Variants in PRPF8 observed in about 807,000 individuals in gnomAD.
PRPF8 encodes pre-mRNA-processing-splicing factor 8.
PRPF8 carries 64 observed loss-of-function variants against 285.9 expected under a neutral mutation model. That is an observed-to-expected ratio of 0.22 (90% CI 0.18 to 0.28). The LOEUF (loss-of-function observed/expected upper bound fraction) is 0.28, where lower values mean the gene tolerates loss of function less well. PRPF8 is among the 10% of genes least tolerant of loss of function. The probability of loss-of-function intolerance (pLI) is 1.00; values close to 1 mark genes in which losing one functional copy is unlikely to be tolerated. For synonymous variants in PRPF8, 1,325 were observed against 1,118.2 expected (o/e 1.18, Z -3.69); for missense variants, 1,426 against 3,026.7 (o/e 0.47, Z 12.41).
In PRPF8 at chr17:1,653,020, A is replaced by C. The variant is rs1294903689; in HGVS notation, c.6369+522T>G. ...GCAATCTTGGCTCACTGCAAGCTCC[A>C]CCTCACCTCCCGGGTTCAAGCAATT... On this transcript the variant is annotated intron_variant, in intron 39 of 42. Transcript: ENST00000304992. The surrounding 1 kb of genome is among the most constrained non-coding windows in gnomAD (Gnocchi z 4.9). 1 of 222,576 alleles carries C rather than the reference A, an allele frequency of 4.5e-6. No individual in the cohort carries two copies. The highest frequency in any genetic ancestry group is 9.1e-6 in the Non-Finnish European group (1 of 109,696). The allele number at this position is 222,576 out of a possible 1,614,324, so 13.8% of individuals were successfully genotyped here. A position where few individuals can be genotyped will look rare whatever the true frequency, so the allele number is the denominator to read the frequency against.
chr17:1,681,788 T>C, intron 5 of PRPF8, 32 bp downstream of exon 5: 1 of 1,612,932 alleles, frequency 6.2e-7, no homozygotes, highest in Middle Eastern at 1.6e-4. Flanking sequence ...CCAGAACTCC[T>C]CCCAGGTGTA....
chr17:1,679,583 C>T lies in PRPF8; in HGVS notation c.1289+26G>A, dbSNP rs1159527420. ...TTTCTCCTACACATCCACTATCATT[C>T]CCCCTGCCACAGGGAAAAACCTTAC... On this transcript the variant is annotated intron_variant, in intron 9 of 42. Coordinates refer to ENST00000304992, the MANE Select transcript of PRPF8 (RefSeq NM_006445.4). The surrounding 1 kb of genome is among the most constrained non-coding windows in gnomAD (Gnocchi z 4.7). The T allele has an allele frequency of 6.2e-7, 1 of 1,612,158 alleles. No individual in the cohort carries two copies. Among genetic ancestry groups the T allele is most frequent in the Non-Finnish European group, 8.5e-7 (1 of 1,179,560 alleles).
Position 1,653,366 on chromosome 17 carries a change from A to G in PRPF8, c.6369+176T>C, listed in dbSNP as rs1911186934. On this transcript the variant is annotated intron_variant, in intron 39 of 42. Transcript: ENST00000304992. The surrounding 1 kb of genome is among the most constrained non-coding windows in gnomAD (Gnocchi z 4.9). ...ATTACTACCTTCTCTCAGCTGCCAC[A>G]GCTTTTGCTATCTCATGGGGCCAAA... 2 of 776,356 alleles carry G rather than the reference A, an allele frequency of 2.6e-6. No individual in the cohort carries two copies. Among genetic ancestry groups the G allele is most frequent in the Admixed American group, 4.2e-5 (2 of 48,038 alleles). 48.1% of individuals were successfully genotyped at this position (776,356 alleles called of 1,614,324 possible). A position where few individuals can be genotyped will look rare whatever the true frequency, so the allele number is the denominator to read the frequency against.
chr17:1,672,629 A>G (rs1338749325), intron 24 of PRPF8, among the ~76,000 whole-genome samples: 1 of 152,116 alleles, frequency 6.6e-6, no homozygotes, highest in Non-Finnish European at 1.5e-5. Context: ...ACGTAGTTCA[A>G]AATTCCTCAG....
At chr17:1,660,133 G>A in intron 30 of PRPF8, 132 bp from the exon 31 acceptor site, 1 of 1,149,038 alleles carries the variant, frequency 8.7e-7, no homozygotes, top group Non-Finnish European at 1.3e-6. Flanking sequence ...ATATGCAAAA[G>A]AGCAAGCTGA....
rs780178279 is a variant in PRPF8 at position 1,673,314 on chromosome 17, T to C, written c.3657+43A>G. On this transcript the variant is annotated intron_variant, in intron 23 of 42. Coordinates refer to ENST00000304992, the MANE Select transcript of PRPF8 (RefSeq NM_006445.4). This position sits in a 1 kb window ranked among gnomAD's most constrained non-coding sequence, Gnocchi z 5.5. ...AGACTCCGGTGACTGACCCAGGAAG[T>C]GCAGGCGCGTTCATGTCACTCCCAG... 7 of 1,610,740 alleles carry C rather than the reference T, an allele frequency of 4.3e-6. No homozygotes were observed. The highest frequency in any genetic ancestry group is 5.1e-6 in the Non-Finnish European group (6 of 1,177,572).
In PRPF8 at chr17:1,683,704, G is replaced by A. The variant is rs75670228; in HGVS notation, c.101-3C>T. 4.2e-3 allele frequency: 6,720 copies of A among 1,613,714 alleles called. 276 individuals carry two copies. The Admixed American group carries it at 0.072, about 17-fold the overall frequency. The stretch of plus-strand genomic sequence containing the variant: ...CTGCAATTGCTGCCATTTTCGAGCT[G>A]GAAAGGCACCTCAGTTTAAAGGCCT... On this transcript the variant is annotated splice_region_variant and splice_polypyrimidine_tract_variant and intron_variant, in intron 2 of 42. Coordinates refer to ENST00000304992, the MANE Select transcript of PRPF8 (RefSeq NM_006445.4).
Position 1,651,420 on chromosome 17 carries a change from G to A in PRPF8, c.6644C>T (p.Thr2215Ile), listed in dbSNP as rs1292736502. 1.2e-6 allele frequency: 2 copies of A among 1,614,180 alleles called. No individual in the cohort carries two copies. The highest frequency in any genetic ancestry group is 1.7e-6 in the Non-Finnish European group (2 of 1,180,028). The part of the protein sequence containing the change: ...SWDGEKTIII[T>I]CSFTPGSCTL... ...CCAAGGAGCCCAGGCCCACCTGCAT[G>A]TGATGATAATGGTCTTCTCGCCATC... The change falls in exon 41 of 43, where the codon ACA becomes ATA. Residue 2215 changes from threonine (T) to isoleucine (I), a missense_variant. Transcript: ENST00000304992. This position sits in a 1 kb window ranked among gnomAD's most constrained non-coding sequence, Gnocchi z 5.1.
Position 1,650,756 on chromosome 17 carries a change from C to T in PRPF8, c.*46G>A, listed in dbSNP as rs1262770827. The T allele has an allele frequency of 2.5e-6, 4 of 1,611,218 alleles. No homozygotes were observed. The highest frequency in any genetic ancestry group is 2.0e-4 in the Middle Eastern group (1 of 5,024). ...AATGTCAGCGGCCTGTCTGGAGGGG[C>T]TGAGGCTTCGGCCTCGGGAGGCTGA... is the stretch of plus-strand genomic sequence containing the variant. On this transcript the variant is annotated 3_prime_UTR_variant, in exon 43 of 43. Transcript: ENST00000304992.
Position 1,679,918 on chromosome 17 carries a change from T to C in PRPF8, c.1099-119A>G, listed in dbSNP as rs1912816300. 1.6e-6 allele frequency: 2 copies of C among 1,227,602 alleles called. No individual in the cohort carries two copies. Among genetic ancestry groups the C allele is most frequent in the Admixed American group, 1.7e-5 (1 of 57,838 alleles). 76.0% of individuals were successfully genotyped at this position (1,227,602 alleles called of 1,614,324 possible). On this transcript the variant is annotated intron_variant, in intron 8 of 42. Coordinates refer to ENST00000304992, the MANE Select transcript of PRPF8 (RefSeq NM_006445.4). This position sits in a 1 kb window ranked among gnomAD's most constrained non-coding sequence, Gnocchi z 4.7. ...TATCTGCTATGGAAACTGGGCTGTC[T>C]GACAAAAGCAGCCCTGAAGTGCCAG...
chr17:1,669,331 T>A (rs1481447889), intron 24 of PRPF8, among the ~76,000 whole-genome samples: 1 of 152,208 alleles, frequency 6.6e-6, no homozygotes, highest in East Asian at 1.9e-4. Flanking sequence ...GGTCTCGAAC[T>A]CCTGACTTGG....
chr17:1,655,235 G>A (rs774442384), intron 37 of PRPF8, 115 bp downstream of exon 37: 211 of 1,188,442 alleles, frequency 1.8e-4, no homozygotes, highest in Non-Finnish European at 2.4e-4. Flanking sequence ...TGGGATTACA[G>A]GCATGAGCCA....
Position 1,653,844 on chromosome 17 carries a change from T to G in PRPF8, c.6160A>C (p.Ile2054Leu). Residue 2054 changes from isoleucine (I) to leucine (L), a missense_variant, in exon 38 of 43, where the codon ATC becomes CTC. Coordinates refer to ENST00000304992, the MANE Select transcript of PRPF8 (RefSeq NM_006445.4). This position sits in a 1 kb window ranked among gnomAD's most constrained non-coding sequence, Gnocchi z 4.9. ...TRTVNKHGDE[I>L]ITSTTSNYET... ...TAGTTGCTGGTGGTGGAGGTGATGA[T>G]CTCATCGCCATGCTTGTTGACAGTG... 1 of 1,614,164 alleles carries G rather than the reference T, an allele frequency of 6.2e-7. No individual in the cohort carries two copies. The highest frequency in any genetic ancestry group is 8.5e-7 in the Non-Finnish European group (1 of 1,180,040).
rs2151126253 is a variant in PRPF8, at chr17:1,673,873, G to A, written c.3319C>T (p.Arg1107Trp). ...IFFRFTADEA[R>W]DLIQRYLTEH... ...GTCAGGTAACGTTGAATCAGGTCCC[G>A]AGCCTCATCTGCTGTGAACCTACAC... The change falls in exon 22 of 43, where the codon CGG becomes TGG. Residue 1107 changes from arginine (R) to tryptophan (W), a missense_variant. Arg to Trp is a moderately radical substitution (Grantham distance 101). Transcript: ENST00000304992. This position sits in a 1 kb window ranked among gnomAD's most constrained non-coding sequence, Gnocchi z 5.5. The A allele has an allele frequency of 6.2e-7, 1 of 1,613,560 alleles. No homozygotes were observed. The highest frequency in any genetic ancestry group is 8.5e-7 in the Non-Finnish European group (1 of 1,179,998).
chr17:1,664,953 C>G (rs1250771486), intron 24 of PRPF8, among the ~76,000 whole-genome samples: 1 of 151,740 alleles, frequency 6.6e-6, no homozygotes, highest in Non-Finnish European at 1.5e-5. Context: ...GTCACGAGTT[C>G]AAGACCAGCC....
chr17:1,651,613 T>C lies in PRPF8; in HGVS notation c.6510+35A>G. Reference sequence around the variant, plus strand: ...TCCACAGACAGGAATCGCACCAGCTTTTCCACACTCCCAGGCTCCATCACT... The same window carrying C: ...TCCACAGACAGGAATCGCACCAGCTCTTCCACACTCCCAGGCTCCATCACT... On this transcript the variant is annotated intron_variant, in intron 40 of 42. Coordinates refer to ENST00000304992, the MANE Select transcript of PRPF8 (RefSeq NM_006445.4). This position sits in a 1 kb window ranked among gnomAD's most constrained non-coding sequence, Gnocchi z 5.1. 6 of 1,614,048 alleles carry C rather than the reference T, an allele frequency of 3.7e-6. No individual in the cohort carries two copies. Among genetic ancestry groups the C allele is most frequent in the Non-Finnish European group, 5.1e-6 (6 of 1,179,984 alleles).
At position 1,673,975 on chromosome 17, in the gene PRPF8, G is replaced by A; in HGVS notation, c.3300-83C>T. On this transcript the variant is annotated intron_variant, in intron 21 of 42. Coordinates refer to ENST00000304992, the MANE Select transcript of PRPF8 (RefSeq NM_006445.4). This position sits in a 1 kb window ranked among gnomAD's most constrained non-coding sequence, Gnocchi z 5.5. ...CAAGTCCTCCAGCTCAATAGACGGA[G>A]ACCCCACCCCATCCTACCCCCACCC... 1 of 1,524,072 alleles carries A rather than the reference G, an allele frequency of 6.6e-7. No individual in the cohort carries two copies. The highest frequency in any genetic ancestry group is 9.0e-7 in the Non-Finnish European group (1 of 1,111,646). The allele number at this position is 1,524,072 out of a possible 1,614,324, so 94.4% of individuals were successfully genotyped here.
Position 1,653,171 on chromosome 17 carries a change from C to G in PRPF8, c.6369+371G>C. ...GTCAGGCTGGTCTCAAACCCCTGACCTCAGGTGATCCACCCACCTAGGCCT... is the reference window on the plus strand; with the variant it reads ...GTCAGGCTGGTCTCAAACCCCTGACGTCAGGTGATCCACCCACCTAGGCCT... On this transcript the variant is annotated intron_variant, in intron 39 of 42. Transcript: ENST00000304992. This position sits in a 1 kb window ranked among gnomAD's most constrained non-coding sequence, Gnocchi z 4.9. 2.6e-6 allele frequency: 1 copy of G among 388,708 alleles called. No individual in the cohort carries two copies. Among genetic ancestry groups the G allele is most frequent in the Non-Finnish European group, 4.9e-6 (1 of 203,616 alleles). 24.1% of individuals were successfully genotyped at this position (388,708 alleles called of 1,614,324 possible). A position where few individuals can be genotyped will look rare whatever the true frequency, so the allele number is the denominator to read the frequency against.
chr17:1,675,865 A>G lies in PRPF8; in HGVS notation c.2680-53T>C. 1 of 1,605,918 alleles carries G rather than the reference A, an allele frequency of 6.2e-7. No homozygotes were observed. Among genetic ancestry groups the G allele is most frequent in the Non-Finnish European group, 8.5e-7 (1 of 1,178,518 alleles). On this transcript the variant is annotated intron_variant, in intron 18 of 42. Coordinates refer to ENST00000304992, the MANE Select transcript of PRPF8 (RefSeq NM_006445.4). The surrounding 1 kb of genome is among the most constrained non-coding windows in gnomAD (Gnocchi z 6.0). ...CAATCCACCAACTGCTACCTTTGGT[A>G]GAACCAAAGGCAACTGCTACCTTTG...
Sources: allele counts gnomAD v4.1 joint callset (sites outside exome capture counted in the v4.1 genomes callset), GRCh38; gene constraint gnomAD v4.1.1; non-coding constraint Gnocchi (gnomAD v3.1); transcripts MANE v1.5; gene names NCBI Gene and HGNC (gene_info 2026-07-23, HGNC 2026-07-21).